YAF2: variants seen among roughly 807,000 people sequenced by gnomAD.
YAF2 encodes the protein YY1 associated factor 2, also known as YY1-associated factor 2.
In YAF2, 7 loss-of-function variants were observed where a neutral mutation model predicts 20.1. That is an observed-to-expected ratio of 0.35 (90% CI 0.20 to 0.65). The LOEUF is 0.65. Ranked by LOEUF, YAF2 falls within the 30% of genes least tolerant of loss-of-function variation. YAF2 has a pLI of 0.69. For missense variants in YAF2, 151 were observed against 219.2 expected (o/e 0.69, Z 1.96); for synonymous variants, 74 against 76.0 (o/e 0.97, Z 0.14).
intron 2 of YAF2, among the ~76,000 whole-genome samples, chr12:42,190,242 G>A (rs1592208409): frequency 6.6e-6 from 1 of 152,166 alleles, no homozygotes; most frequent in Non-Finnish European, 1.5e-5. Context: ...TACTTTGGAA[G>A]TTGAGGAAGG....
At chr12:42,234,190 AAG>A (rs1311985061) in intron 2 of YAF2, 9 of 847,780 alleles carry the variant, frequency 1.1e-5, no homozygotes, top group East Asian at 1.6e-4. Flanking sequence ...CAAAAAAAAA[AAG>A]AGAAAAGAAA....
intron 2 of YAF2, chr12:42,212,333 C>T (rs10880269): frequency 0.35 from 81,275 of 229,230 alleles, 15,022 homozygotes; most frequent in South Asian, 0.44. Flanking sequence ...TCATCATATT[C>T]ATTTTAATGT....
At chr12:42,160,921 G>T (rs958768369) in intron 3 of YAF2, 95 bp from the exon 4 acceptor site, 68 of 1,039,022 alleles carry the variant, frequency 6.5e-5, no homozygotes, top group Non-Finnish European at 9.0e-5. Flanking sequence ...GTAACAAAAT[G>T]AATACATGTA....
chr12:42,211,474 C>T (rs991544190), intron 2 of YAF2, among the ~76,000 whole-genome samples: 1 of 149,474 alleles, frequency 6.7e-6, no homozygotes, highest in South Asian at 2.1e-4. Context: ...CAGTGGCTCA[C>T]GCCTGTAATC....
At chr12:42,211,050 T>C (rs1194132562) in intron 2 of YAF2, among the ~76,000 whole-genome samples, 1 of 152,210 alleles carries the variant, frequency 6.6e-6, no homozygotes, top group African/African-American at 2.4e-5. Flanking sequence ...CACTAGATTT[T>C]GGTATAGAAG....
At chr12:42,164,201 T>C (rs10880259) in intron 2 of YAF2, among the ~76,000 whole-genome samples, 53,657 of 152,068 alleles carry the variant, frequency 0.35, 9,792 homozygotes, top group South Asian at 0.48. Context: ...ATTTGTCAGA[T>C]ATGATATTCA....
chr12:42,174,939 G>C (rs2066142268), intron 2 of YAF2, among the ~76,000 whole-genome samples: 1 of 152,136 alleles, frequency 6.6e-6, no homozygotes, highest in African/African-American at 2.4e-5. Flanking sequence ...ATGCATCAAA[G>C]TTTTCCTCAA....
intron 2 of YAF2, among the ~76,000 whole-genome samples, chr12:42,171,294 ACTGTTTAAT>A (rs2066041212): frequency 6.6e-6 from 1 of 152,148 alleles, no homozygotes; most frequent in African/African-American, 2.4e-5. Flanking sequence ...CCCAGCCAGA[ACTGTTTAAT>A]CTGTAATATT....
At chr12:42,178,515 C>T (rs2066255955) in intron 2 of YAF2, among the ~76,000 whole-genome samples, 1 of 152,136 alleles carries the variant, frequency 6.6e-6, no homozygotes, top group African/African-American at 2.4e-5. Flanking sequence ...CGTCATCTCT[C>T]CCCTCTCTAA....
At chr12:42,237,560 C>A (rs1400894166) in intron 2 of YAF2, 39 bp downstream of exon 2, 1 of 1,486,850 alleles carries the variant, frequency 6.7e-7, no homozygotes. Context: ...GGTCGCCACC[C>A]CGCCGGCCGG....
chr12:42,169,714 ACTT>A (rs1462416643), intron 2 of YAF2, among the ~76,000 whole-genome samples: 1 of 151,652 alleles, frequency 6.6e-6, no homozygotes, highest in Non-Finnish European at 1.5e-5. Flanking sequence ...TGCCCAGCCA[ACTT>A]CTTCTCTTTT....
chr12:42,173,801 A>T (rs1407211773), intron 2 of YAF2, among the ~76,000 whole-genome samples: 1 of 152,212 alleles, frequency 6.6e-6, no homozygotes, highest in Non-Finnish European at 1.5e-5. Context: ...AGAGCACTGA[A>T]CAAAACTTGC....
At chr12:42,237,571 C>A in intron 2 of YAF2, 28 bp downstream of exon 2, 1 of 1,490,956 alleles carries the variant, frequency 6.7e-7, no homozygotes, top group Non-Finnish European at 8.9e-7. Flanking sequence ...CGCCGGCCGG[C>A]GGCGCGAGGG....
At position 42,238,212 on chromosome 12, in the gene YAF2, C is replaced by A. The variant is rs1184244434; in HGVS notation, c.-32G>T. On this transcript the variant is annotated 5_prime_UTR_variant, in exon 1 of 4. Transcript: ENST00000534854. Reference sequence around the variant, plus strand: ...GCTATCACCGCACGCCGAGAGTCGCCGCCGCGACCGCTCTGTTTGTCAATA... The same window carrying A: ...GCTATCACCGCACGCCGAGAGTCGCAGCCGCGACCGCTCTGTTTGTCAATA... The A allele has an allele frequency of 1.3e-6, 2 of 1,501,486 alleles. No individual in the cohort carries two copies. Among genetic ancestry groups the A allele is most frequent in the Admixed American group, 2.0e-5 (1 of 49,904 alleles). The allele number at this position is 1,501,486 out of a possible 1,614,324, so 93.0% of individuals were successfully genotyped here. A position where few individuals can be genotyped will look rare whatever the true frequency, so the allele number is the denominator to read the frequency against.
intron 2 of YAF2, among the ~76,000 whole-genome samples, chr12:42,202,105 C>T (rs116812782): frequency 0.011 from 1,618 of 150,828 alleles, 28 homozygotes; most frequent in African/African-American, 0.038. Context: ...GATCTAGTTT[C>T]CCCCCCCATC....
intron 2 of YAF2, among the ~76,000 whole-genome samples, chr12:42,180,062 C>T (rs1041210808): frequency 2.0e-5 from 3 of 152,130 alleles, no homozygotes; most frequent in Non-Finnish European, 4.4e-5. Flanking sequence ...GTTTCATTAA[C>T]TTAGTCACTC....
At chr12:42,221,182 A>G (rs1395049692) in intron 2 of YAF2, among the ~76,000 whole-genome samples, 1 of 152,218 alleles carries the variant, frequency 6.6e-6, no homozygotes, top group Non-Finnish European at 1.5e-5. Flanking sequence ...CAAGAGGTAT[A>G]CCACTAGATC....
chr12:42,233,649 C>T, intron 2 of YAF2: 1 of 619,278 alleles, frequency 1.6e-6, no homozygotes, highest in Non-Finnish European at 2.0e-6. Flanking sequence ...GTAGCTGGGA[C>T]CACAGGCATG....
rs144167914 is a variant in YAF2 at position 42,224,548 on chromosome 12, C to T, written c.152+13051G>A. Among the ~76,000 whole-genome samples, 96 of 151,896 alleles carry T rather than the reference C, an allele frequency of 6.3e-4. No homozygotes were observed. In the East Asian group the frequency reaches 0.017, roughly 27 times the overall value. Reference sequence around the variant, plus strand: ...CTCTAGCCCCCCACCCCGCGACAGGCCCCCGTGTGTGATGTTCCCCTCCCT... The same window carrying T: ...CTCTAGCCCCCCACCCCGCGACAGGTCCCCGTGTGTGATGTTCCCCTCCCT... On this transcript the variant is annotated intron_variant, in intron 2 of 3. Transcript: ENST00000534854.
Sources: allele counts gnomAD v4.1 joint callset (sites outside exome capture counted in the v4.1 genomes callset), GRCh38; gene constraint gnomAD v4.1.1; transcripts MANE v1.5; gene names NCBI Gene and HGNC (gene_info 2026-07-23, HGNC 2026-07-21).